ZNF804B: variants seen among roughly 807,000 people sequenced by gnomAD.
The protein encoded by ZNF804B is zinc finger protein 804B, also known as zinc finger 804B.
A neutral mutation model predicts 101.4 loss-of-function variants in ZNF804B; 80 were observed. The observed-to-expected ratio is 0.79, with a 90% confidence interval of 0.66 to 0.95. ZNF804B has a LOEUF of 0.95. Ranked by LOEUF, ZNF804B falls within the 40% of genes least tolerant of loss-of-function variation. The probability of loss-of-function intolerance (pLI) is 0.00; values close to 1 mark genes in which losing one functional copy is unlikely to be tolerated. For synonymous variants in ZNF804B, 622 were observed against 558.8 expected (o/e 1.11, Z -1.59); for missense variants, 1,673 against 1,561.9 (o/e 1.07, Z -1.20).
chr7:88,929,566 T>C (rs1371789475), intron 1 of ZNF804B, among the ~76,000 whole-genome samples: 1 of 151,982 alleles, frequency 6.6e-6, no homozygotes, highest in African/African-American at 2.4e-5. Context: ...ATAAAGACAC[T>C]TGATATCCCA....
chr7:88,819,388 C>T (rs1790938255), intron 1 of ZNF804B, among the ~76,000 whole-genome samples: 1 of 152,132 alleles, frequency 6.6e-6, no homozygotes. Flanking sequence ...GCCTCAGCCT[C>T]CCAAAGTGCT....
chr7:88,993,340 G>T (rs796990503), intron 1 of ZNF804B, among the ~76,000 whole-genome samples: 13 of 152,136 alleles, frequency 8.5e-5, no homozygotes, highest in African/African-American at 3.1e-4. Context: ...GCCAGATTAT[G>T]TTGACGTTTT....
intron 1 of ZNF804B, among the ~76,000 whole-genome samples, chr7:88,809,132 T>A (rs1003230525): frequency 1.3e-5 from 2 of 152,216 alleles, no homozygotes; most frequent in African/African-American, 4.8e-5. Context: ...TAAGGATTTC[T>A]AATGTGAAAG....
chr7:89,049,141 G>A (rs1475061728), intron 1 of ZNF804B, among the ~76,000 whole-genome samples: 3 of 150,216 alleles, frequency 2.0e-5, no homozygotes, highest in Non-Finnish European at 2.9e-5. Context: ...TAATAATTAT[G>A]TACCTTCATG....
chr7:88,814,778 C>A (rs1487265313), intron 1 of ZNF804B, among the ~76,000 whole-genome samples: 1 of 151,966 alleles, frequency 6.6e-6, no homozygotes, highest in Non-Finnish European at 1.5e-5. Context: ...ACTCTGACAT[C>A]CAATAAAAGT....
At position 89,018,772 on chromosome 7, in the gene ZNF804B, A is replaced by G. The variant is rs80038795; in HGVS notation, c.109-199383A>G. Reference sequence around the variant, plus strand: ...ATTTACTTTTTCTCTAGGTTGTTCAATTTGTTGGATACAGTTGTTCATTAG... The same window carrying G: ...ATTTACTTTTTCTCTAGGTTGTTCAGTTTGTTGGATACAGTTGTTCATTAG... On this transcript the variant is annotated intron_variant, in intron 1 of 3. Transcript: ENST00000333190. Among the ~76,000 whole-genome samples, 36 of 151,984 alleles carry G rather than the reference A, an allele frequency of 2.4e-4. No homozygotes were observed. The East Asian group carries it at 6.2e-3, about 26-fold the overall frequency.
At chr7:89,142,560 A>G (rs1790732865) in intron 1 of ZNF804B, among the ~76,000 whole-genome samples, 3 of 151,894 alleles carry the variant, frequency 2.0e-5, no homozygotes, top group African/African-American at 4.8e-5. Flanking sequence ...GCTATGTTTC[A>G]TCTCCTATTA....
intron 1 of ZNF804B, among the ~76,000 whole-genome samples, chr7:89,159,787 G>A (rs181824590): frequency 2.0e-5 from 3 of 152,176 alleles, no homozygotes; most frequent in Admixed American, 6.6e-5. Flanking sequence ...AAATAACTCC[G>A]CATCTATGGT....
At chr7:88,966,680 C>A (rs1285894667) in intron 1 of ZNF804B, among the ~76,000 whole-genome samples, 1 of 151,506 alleles carries the variant, frequency 6.6e-6, no homozygotes, top group Non-Finnish European at 1.5e-5. Context: ...CTTTTCCTGT[C>A]TGTATGTGAA....
At chr7:88,875,422 TAAAG>T (rs953195413) in intron 1 of ZNF804B, among the ~76,000 whole-genome samples, 2 of 150,898 alleles carry the variant, frequency 1.3e-5, no homozygotes, top group Admixed American at 1.3e-4. Flanking sequence ...GCAAGACTAA[TAAAG>T]AAAAAAAGAG....
intron 2 of ZNF804B, among the ~76,000 whole-genome samples, chr7:89,317,999 C>G (rs1790760063): frequency 6.6e-6 from 1 of 152,118 alleles, no homozygotes; most frequent in South Asian, 2.1e-4. Context: ...ACATCTTAAT[C>G]AGCAACAGTT....
At chr7:88,958,130 T>C (rs748188140) in intron 1 of ZNF804B, among the ~76,000 whole-genome samples, 11 of 151,444 alleles carry the variant, frequency 7.3e-5, no homozygotes, top group Non-Finnish European at 1.3e-4. Context: ...TGAATACTTA[T>C]CATGGAAAAC....
intron 1 of ZNF804B, among the ~76,000 whole-genome samples, chr7:88,964,308 A>G (rs1208464264): frequency 6.6e-6 from 1 of 151,564 alleles, no homozygotes; most frequent in Non-Finnish European, 1.5e-5. Flanking sequence ...GAGTGAATAA[A>G]CAAAATGTGG....
chr7:89,150,770 G>A (rs964380446), intron 1 of ZNF804B, among the ~76,000 whole-genome samples: 5 of 152,170 alleles, frequency 3.3e-5, no homozygotes, highest in African/African-American at 9.6e-5. Flanking sequence ...AGTGAGAGAC[G>A]CTGGAGGGGA....
chr7:88,939,914 A>T (rs1156939641), intron 1 of ZNF804B, among the ~76,000 whole-genome samples: 1 of 152,018 alleles, frequency 6.6e-6, no homozygotes, highest in Non-Finnish European at 1.5e-5. Context: ...TACAAGAATT[A>T]TAAGTTTAGA....
intron 1 of ZNF804B, among the ~76,000 whole-genome samples, chr7:89,012,629 A>G (rs186784006): frequency 3.8e-4 from 58 of 152,198 alleles, no homozygotes; most frequent in African/African-American, 1.4e-3. Flanking sequence ...CCTCATCCTG[A>G]ACTTCATTGT....
chr7:88,935,602 G>C (rs1396643780), intron 1 of ZNF804B, among the ~76,000 whole-genome samples: 1 of 151,774 alleles, frequency 6.6e-6, no homozygotes. Context: ...ATTAGGGTCA[G>C]AAAGTCTTTC....
At chr7:88,818,946 C>T (rs1014164152) in intron 1 of ZNF804B, among the ~76,000 whole-genome samples, 1 of 152,038 alleles carries the variant, frequency 6.6e-6, no homozygotes, top group Non-Finnish European at 1.5e-5. Context: ...ATGTCAGAAC[C>T]AGTGAGGTTG....
chr7:88,875,951 G>T (rs1197717982), intron 1 of ZNF804B, among the ~76,000 whole-genome samples: 1 of 152,136 alleles, frequency 6.6e-6, no homozygotes, highest in Non-Finnish European at 1.5e-5. Flanking sequence ...ACATCAAAAA[G>T]CTTATCCACT....
Sources: allele counts gnomAD v4.1 joint callset (sites outside exome capture counted in the v4.1 genomes callset), GRCh38; gene constraint gnomAD v4.1.1; transcripts MANE v1.5; gene names NCBI Gene and HGNC (gene_info 2026-07-23, HGNC 2026-07-21).